Variants in PPP3CA observed in about 807,000 individuals in gnomAD.
PPP3CA encodes CAM-PRP catalytic subunit.
Under a neutral mutation model 66.5 loss-of-function variants are expected in PPP3CA, and 14 were observed. That is an observed-to-expected ratio of 0.21 (90% CI 0.14 to 0.33). PPP3CA has a LOEUF of 0.33. Among genes scored for constraint, PPP3CA ranks in the 10% least tolerant of loss-of-function variants. PPP3CA has a pLI of 1.00. For synonymous variants in PPP3CA, 232 were observed against 226.2 expected (o/e 1.03, Z -0.23); for missense variants, 317 against 639.5 (o/e 0.50, Z 5.44).
At chr4:101,206,291 C>T (rs530886400) in intron 1 of PPP3CA, among the ~76,000 whole-genome samples, 37 of 152,332 alleles carry the variant, frequency 2.4e-4, no homozygotes, top group African/African-American at 8.9e-4. Flanking sequence ...CTACCACCTA[C>T]AATAATATTC....
At chr4:101,096,633 G>GA (rs1226398480) in intron 5 of PPP3CA, among the ~76,000 whole-genome samples, 1 of 152,160 alleles carries the variant, frequency 6.6e-6, no homozygotes, top group African/African-American at 2.4e-5. Flanking sequence ...CCAAGGCCAT[G>GA]AAATTTGATC....
chr4:101,099,744 T>A, intron 3 of PPP3CA, 22 bp from the exon 4 acceptor site: 1 of 1,253,130 alleles, frequency 8.0e-7, no homozygotes. Flanking sequence ...AAAAATAATA[T>A]AAAAATAAAT....
chr4:101,120,887 T>C (rs1722004778), intron 2 of PPP3CA, among the ~76,000 whole-genome samples: 2 of 152,222 alleles, frequency 1.3e-5, no homozygotes, highest in African/African-American at 2.4e-5. Flanking sequence ...AATTTACATA[T>C]GTGGCTGTCT....
At chr4:101,268,440 T>C (rs932402775) in intron 1 of PPP3CA, among the ~76,000 whole-genome samples, 6 of 152,120 alleles carry the variant, frequency 3.9e-5, no homozygotes, top group Admixed American at 1.3e-4. Flanking sequence ...ACAGTTTTTA[T>C]GGTGCCATAG....
At chr4:101,072,662 A>C (rs539867953) in intron 8 of PPP3CA, among the ~76,000 whole-genome samples, 1 of 152,350 alleles carries the variant, frequency 6.6e-6, no homozygotes, top group East Asian at 1.9e-4. Flanking sequence ...AGTGAACAGC[A>C]TAAGTATAGT....
intron 1 of PPP3CA, among the ~76,000 whole-genome samples, chr4:101,228,717 G>A (rs922967274): frequency 2.6e-5 from 4 of 151,544 alleles, no homozygotes; most frequent in Non-Finnish European, 5.9e-5. Context: ...ACTTTGGAAT[G>A]GGGTAGGGAC....
intron 10 of PPP3CA, among the ~76,000 whole-genome samples, chr4:101,058,703 T>C (rs1431487001): frequency 6.6e-6 from 1 of 152,142 alleles, no homozygotes; most frequent in Non-Finnish European, 1.5e-5. Flanking sequence ...AATCCTTTCA[T>C]GTAAGTAATT....
At chr4:101,191,433 A>G (rs1280827579) in intron 2 of PPP3CA, among the ~76,000 whole-genome samples, 3 of 152,148 alleles carry the variant, frequency 2.0e-5, no homozygotes, top group Non-Finnish European at 4.4e-5. Context: ...GAGTATATGG[A>G]CATCAAAATG....
At chr4:101,230,890 C>T (rs1186692290) in intron 1 of PPP3CA, among the ~76,000 whole-genome samples, 1 of 151,746 alleles carries the variant, frequency 6.6e-6, no homozygotes, top group Non-Finnish European at 1.5e-5. Flanking sequence ...TCAAGACTTT[C>T]TGTGTATTCT....
chr4:101,025,307 T>TG lies in PPP3CA; in HGVS notation c.*557_*558insC, dbSNP rs1726579971. 1 of 150,894 alleles carries TG rather than the reference T, an allele frequency of 6.6e-6. No homozygotes were observed. Among genetic ancestry groups the TG allele is most frequent in the Non-Finnish European group, 1.5e-5 (1 of 67,588 alleles). The allele number at this position is 150,894 out of a possible 1,614,324, so 9.3% of individuals were successfully genotyped here. A position where few individuals can be genotyped will look rare whatever the true frequency, so the allele number is the denominator to read the frequency against. On this transcript the variant is annotated 3_prime_UTR_variant, in exon 14 of 14. Transcript: ENST00000394854. ...ACGTTCTTTTTTTTCTTTTTCTGTTTTTTTTTTTTTTTAAGACTGCCTAAT... is the reference window on the plus strand; with the variant it reads ...ACGTTCTTTTTTTTCTTTTTCTGTTTGTTTTTTTTTTTTAAGACTGCCTAAT...
intron 2 of PPP3CA, among the ~76,000 whole-genome samples, chr4:101,162,096 C>A (rs1334422574): frequency 6.6e-6 from 1 of 151,660 alleles, no homozygotes; most frequent in Non-Finnish European, 1.5e-5. Flanking sequence ...AAAAATTAGC[C>A]GGGCATGGTG....
rs141665050 is a variant in PPP3CA at position 101,319,355 on chromosome 4, GC to G, written c.58+27383del. ...ATTTGTGGCATGTTTCCATGGAAAG[GC>G]TACAAATTAGTGGAAGTGTCCAATT... On this transcript the variant is annotated intron_variant, in intron 1 of 13. Transcript: ENST00000394854. 8.8e-3 allele frequency among the ~76,000 whole-genome samples: 1,345 copies of G among 152,042 alleles called. 27 individuals are homozygous for G. Among genetic ancestry groups the G allele is most frequent in the African/African-American group, 0.031 (1,287 of 41,518 alleles).
rs1347565622 is a variant in PPP3CA, at chr4:101,246,860, CA to C, written c.59-50745del. Among the ~76,000 whole-genome samples, 60 of 152,124 alleles carry C rather than the reference CA, an allele frequency of 3.9e-4. 1 individual carries two copies. The highest frequency in any genetic ancestry group is 1.4e-3 in the African/African-American group (58 of 41,442). On this transcript the variant is annotated intron_variant, in intron 1 of 13. Coordinates refer to ENST00000394854, the MANE Select transcript of PPP3CA (RefSeq NM_000944.5). ...TAATGAGGCAAAGGTGAAAAAAACT[CA>C]TTCTGAGCCAATTGACTTAACCTTG...
chr4:101,048,599 GT>G (rs1418683998), intron 10 of PPP3CA, among the ~76,000 whole-genome samples: 12 of 141,614 alleles, frequency 8.5e-5, no homozygotes, highest in Non-Finnish European at 1.7e-4. Flanking sequence ...AAGACAACAA[GT>G]GAAAAAAATC....
chr4:101,282,086 T>C (rs549353536), intron 1 of PPP3CA, among the ~76,000 whole-genome samples: 46 of 152,318 alleles, frequency 3.0e-4, no homozygotes, highest in Middle Eastern at 3.4e-3. Context: ...TATCTTCGCA[T>C]CTATGGCAAG....
At position 101,216,348 on chromosome 4, in the gene PPP3CA, G is replaced by C. The variant is rs188596955; in HGVS notation, c.59-20232C>G. On this transcript the variant is annotated intron_variant, in intron 1 of 13. Coordinates refer to ENST00000394854, the MANE Select transcript of PPP3CA (RefSeq NM_000944.5). ...TAAGGAACTAGTGGTGATAACAAAT[G>C]ACCATAATTATACACTTTTGAATCC... Among the ~76,000 whole-genome samples the C allele has an allele frequency of 1.8e-3, 274 of 152,198 alleles. No individual in the cohort carries two copies. In the Middle Eastern group the frequency reaches 0.024, roughly 13 times the overall value.
intron 1 of PPP3CA, among the ~76,000 whole-genome samples, chr4:101,289,884 G>A (rs964982521): frequency 6.6e-6 from 1 of 151,262 alleles, no homozygotes; most frequent in Admixed American, 6.6e-5. Context: ...GTGTGTGTGT[G>A]TGTGTGTGTG....
chr4:101,334,118 A>G (rs1729546585), intron 1 of PPP3CA, among the ~76,000 whole-genome samples: 3 of 151,340 alleles, frequency 2.0e-5, no homozygotes, highest in Non-Finnish European at 4.4e-5. Context: ...AAATAAGGAC[A>G]TATAGAAAAC....
intron 2 of PPP3CA, among the ~76,000 whole-genome samples, chr4:101,116,230 T>G (rs969574253): frequency 1.3e-5 from 2 of 151,956 alleles, no homozygotes; most frequent in Non-Finnish European, 2.9e-5. Context: ...CTGAATCGTT[T>G]AGCAATTTTC....
Sources: gnomAD v4.1 joint callset for allele counts (sites outside exome capture counted in the v4.1 genomes callset) on GRCh38, gnomAD v4.1.1 for gene constraint, MANE v1.5 for transcripts, NCBI Gene and HGNC (gene_info 2026-07-23, HGNC 2026-07-21) for gene names.